Variants in BICRAL observed in about 807,000 individuals in gnomAD.
BICRAL encodes the protein BICRA like chromatin remodeling complex associated protein, also known as BRD4-interacting chromatin-remodeling complex-associated protein-like.
BICRAL carries 8 observed loss-of-function variants against 91.8 expected under a neutral mutation model. The ratio of observed to expected loss-of-function variants is 0.09; its 90% CI spans 0.05 to 0.16. BICRAL has a LOEUF of 0.16. BICRAL is among the 10% of genes least tolerant of loss of function. The pLI is 1.00. For missense variants in BICRAL, 1,038 were observed against 1,310.9 expected, an observed-to-expected ratio of 0.79 and a Z score of 3.21; for synonymous variants, 445 against 491.1, an observed-to-expected ratio of 0.91 and a Z score of 1.24.
chr6:42,833,157 G>A (rs185660888), intron 6 of BICRAL, among the ~76,000 whole-genome samples: 6 of 151,326 alleles, frequency 4.0e-5, no homozygotes, highest in Admixed American at 2.0e-4. Context: ...CCGGGTTCAC[G>A]CCATTCTCCT....
At chr6:42,795,146 A>T (rs1394950787) in intron 1 of BICRAL, among the ~76,000 whole-genome samples, 1 of 152,154 alleles carries the variant, frequency 6.6e-6, no homozygotes, top group African/African-American at 2.4e-5. Context: ...AAAACGTGAC[A>T]AAAAGTCGGG....
intron 2 of BICRAL, among the ~76,000 whole-genome samples, chr6:42,813,867 G>C (rs1208531432): frequency 6.6e-6 from 1 of 151,936 alleles, no homozygotes; most frequent in African/African-American, 2.4e-5. Context: ...AATCAGCAAA[G>C]ACCTGCACTA....
At chr6:42,759,870 A>G (rs552914584) in intron 1 of BICRAL, among the ~76,000 whole-genome samples, 9 of 152,304 alleles carry the variant, frequency 5.9e-5, no homozygotes, top group African/African-American at 1.9e-4. Context: ...AGCTTCTCCA[A>G]GCAAGGATGT....
At position 42,865,271 on chromosome 6, in the gene BICRAL, G is replaced by A. The variant is rs750219953; in HGVS notation, c.3065G>A (p.Arg1022Gln). The change falls in exon 13 of 13, where the codon CGG becomes CAG. Residue 1022 changes from arginine (R) to glutamine (Q), a missense_variant. Around this residue, in one of 5 missense-constraint regions of BICRAL, gnomAD observed 92 missense variants for 147.8 expected, o/e 0.62. Coordinates refer to ENST00000314073, the MANE Select transcript of BICRAL (RefSeq NM_001393499.1). Reference protein sequence around the residue: ...KNILELKKAGRQPQSDPTVSG... With the variant: ...KNILELKKAGQQPQSDPTVSG... ...ATCTTGGAACTCAAAAAGGCGGGAC[G>A]GCAGCCCCAGAGTGACCCCACGGTT... 8.7e-6 allele frequency: 14 copies of A among 1,614,074 alleles called. No individual in the cohort carries two copies. The East Asian group carries it at 1.1e-4, about 13-fold the overall frequency.
intron 1 of BICRAL, among the ~76,000 whole-genome samples, chr6:42,769,008 C>T (rs1762680512): frequency 6.6e-6 from 1 of 152,202 alleles, no homozygotes; most frequent in Non-Finnish European, 1.5e-5. Context: ...TTCATGTTAA[C>T]CCAGTGTATT....
intron 2 of BICRAL, among the ~76,000 whole-genome samples, chr6:42,819,198 C>T (rs1463722119): frequency 6.6e-6 from 1 of 152,200 alleles, no homozygotes; most frequent in Non-Finnish European, 1.5e-5. Flanking sequence ...AATGGAGAAT[C>T]TTTCCAGAGA....
chr6:42,813,069 G>C, intron 2 of BICRAL, among the ~76,000 whole-genome samples: 1 of 152,126 alleles, frequency 6.6e-6, no homozygotes, highest in East Asian at 1.9e-4. Context: ...AAAAATAAAA[G>C]ACTGAAAGAA....
chr6:42,813,092 T>C (rs998478355), intron 2 of BICRAL, among the ~76,000 whole-genome samples: 6 of 152,148 alleles, frequency 3.9e-5, no homozygotes, highest in Non-Finnish European at 8.8e-5. Flanking sequence ...TACAGCATCA[T>C]TGAGCTGTGG....
At chr6:42,770,270 C>G (rs1363449152) in intron 1 of BICRAL, among the ~76,000 whole-genome samples, 1 of 152,002 alleles carries the variant, frequency 6.6e-6, no homozygotes, top group Non-Finnish European at 1.5e-5. Context: ...GCTCTGTCAC[C>G]CAGGCTGGAG....
At chr6:42,776,062 C>A (rs1036851321) in intron 1 of BICRAL, among the ~76,000 whole-genome samples, 2 of 152,166 alleles carry the variant, frequency 1.3e-5, no homozygotes, top group Non-Finnish European at 2.9e-5. Context: ...TTCTCTGTCA[C>A]CCAGGCTGGA....
chr6:42,796,525 T>G (rs1194902220), intron 1 of BICRAL, among the ~76,000 whole-genome samples: 1 of 152,060 alleles, frequency 6.6e-6, no homozygotes, highest in Admixed American at 6.6e-5. Flanking sequence ...TGGGAGGAAA[T>G]GAAGGTTCAT....
Position 42,828,954 on chromosome 6 carries a change from T to A in BICRAL, c.621T>A (p.Ile207=). 1.2e-6 allele frequency: 2 copies of A among 1,614,152 alleles called. No individual in the cohort carries two copies. Among genetic ancestry groups the A allele is most frequent in the Non-Finnish European group, 1.7e-6 (2 of 1,180,014 alleles). Residue 207 remains isoleucine, a synonymous_variant, in exon 6 of 13, where the codon ATT becomes ATA. Coordinates refer to ENST00000314073, the MANE Select transcript of BICRAL (RefSeq NM_001393499.1). Reference sequence around the variant, plus strand: ...AGCATTTGTCTAATAGCAGTCAGATTAGTGGTTCTGGTCAAATACAGTTAA... The same window carrying A: ...AGCATTTGTCTAATAGCAGTCAGATAAGTGGTTCTGGTCAAATACAGTTAA... ...PSQHLSNSSQ[I]SGSGQIQLIG...
chr6:42,822,239 CT>C (rs762832675), intron 3 of BICRAL, among the ~76,000 whole-genome samples, 176 bp downstream of exon 3: 276 of 143,320 alleles, frequency 1.9e-3, no homozygotes, highest in Non-Finnish European at 1.8e-3. Context: ...TTCAGTAATT[CT>C]TTTTTTTTTT....
intron 1 of BICRAL, among the ~76,000 whole-genome samples, chr6:42,747,905 A>G (rs1295053925): frequency 5.3e-5 from 8 of 150,434 alleles, no homozygotes; most frequent in Non-Finnish European, 1.5e-5. Context: ...CCCGAGTTCA[A>G]GTGATTCTCC....
chr6:42,831,227 T>G (rs1764466876), intron 6 of BICRAL, among the ~76,000 whole-genome samples: 1 of 152,202 alleles, frequency 6.6e-6, no homozygotes, highest in South Asian at 2.1e-4. Context: ...GGTTATGTAT[T>G]TACATTGTAT....
intron 6 of BICRAL, among the ~76,000 whole-genome samples, chr6:42,848,047 T>G (rs1013820178): frequency 6.6e-5 from 10 of 151,906 alleles, no homozygotes; most frequent in African/African-American, 2.4e-4. Context: ...GAGAACGGCG[T>G]GAACCCAGGA....
In BICRAL at chr6:42,752,292, C is replaced by T. The variant is rs561751442; in HGVS notation, c.-261+5269C>T. ...TTAACGTCTAGCACATAGGCTGGCA[C>T]GTGTTTATTTATCTAAACATCTGTT... is the stretch of plus-strand genomic sequence containing the variant. On this transcript the variant is annotated intron_variant, in intron 1 of 14. Coordinates refer to the BICRAL transcript ENST00000614467. Among the ~76,000 whole-genome samples, 37 of 152,308 alleles carry T rather than the reference C, an allele frequency of 2.4e-4. No individual in the cohort carries two copies. In the South Asian group the frequency reaches 5.8e-3, roughly 24 times the overall value.
At chr6:42,816,525 C>G (rs1184829274) in intron 2 of BICRAL, among the ~76,000 whole-genome samples, 1 of 152,054 alleles carries the variant, frequency 6.6e-6, no homozygotes, top group Non-Finnish European at 1.5e-5. Flanking sequence ...GTCCTGGGCT[C>G]AAGTCATCCT....
intron 12 of BICRAL, among the ~76,000 whole-genome samples, chr6:42,864,334 C>T (rs1345660976): frequency 6.6e-6 from 1 of 152,070 alleles, no homozygotes; most frequent in African/African-American, 2.4e-5. Context: ...AGCAAGACTC[C>T]ATCTCAAAAA....
Sources: allele counts gnomAD v4.1 joint callset (sites outside exome capture counted in the v4.1 genomes callset), GRCh38; gene constraint gnomAD v4.1.1; regional missense constraint gnomAD v4.1.1; transcripts MANE v1.5; gene names NCBI Gene and HGNC (gene_info 2026-07-23, HGNC 2026-07-21).